The following RAB27A variants were observed in gnomAD, a reference collection of about 807,000 sequenced individuals.
RAB27A encodes RAB27A, member RAS oncogene family.
A neutral mutation model predicts 20.8 loss-of-function variants in RAB27A; 17 were observed. The observed-to-expected ratio is 0.82, with a 90% CI of 0.56 to 1.23. RAB27A has a LOEUF of 1.23. Among genes scored for constraint, RAB27A ranks in the 50% most tolerant of loss-of-function variants. The pLI, the probability that RAB27A is intolerant of heterozygous loss-of-function variation, is 0.00. For missense variants in RAB27A, 277 were observed against 266.7 expected, an observed-to-expected ratio of 1.04 and a Z score of -0.27; for synonymous variants, 85 against 92.8, an observed-to-expected ratio of 0.92 and a Z score of 0.48.
At chr15:55,249,912 T>A (rs1053941654) in intron 2 of RAB27A, among the ~76,000 whole-genome samples, 1 of 152,220 alleles carries the variant, frequency 6.6e-6, no homozygotes, top group African/African-American at 2.4e-5. Context: ...CTGGGATTCA[T>A]GAAAATACTT....
At position 55,298,805 on chromosome 15, in the gene RAB27A, G is replaced by T. The variant is rs187129706; in HGVS notation, c.-112+15234C>A. On this transcript the variant is annotated intron_variant, in intron 2 of 5. Transcript: ENST00000563262. ...CCCAGGTGCGTATTCTCTTTCCCAGGGATGTTCCTTGCTGAGAAAAAGAAT... is the reference window on the plus strand; with the variant it reads ...CCCAGGTGCGTATTCTCTTTCCCAGTGATGTTCCTTGCTGAGAAAAAGAAT... Among the ~76,000 whole-genome samples, 8 of 152,278 alleles carry T rather than the reference G, an allele frequency of 5.3e-5. No homozygotes were observed. In the East Asian group the frequency reaches 1.5e-3, roughly 29 times the overall value.
In RAB27A at chr15:55,270,225, A is replaced by T. The variant is rs1050054335; in HGVS notation, c.-83T>A. The T allele has an allele frequency of 6.6e-6, 1 of 152,188 alleles. No homozygotes were observed. The highest frequency in any genetic ancestry group is 1.5e-5 in the Non-Finnish European group (1 of 68,020). 9.4% of individuals were successfully genotyped at this position (152,188 alleles called of 1,614,324 possible). A position where few individuals can be genotyped will look rare whatever the true frequency, so the allele number is the denominator to read the frequency against. On this transcript the variant is annotated 5_prime_UTR_variant, in exon 2 of 7. Transcript: ENST00000336787. ...TAAAACGTTAGAGACTGGAGTTACC[A>T]ATGCTTCAACAATTGACAACTTCCA...
chr15:55,223,099 T>C (rs1895651205), intron 6 of RAB27A, among the ~76,000 whole-genome samples: 1 of 152,050 alleles, frequency 6.6e-6, no homozygotes, highest in Non-Finnish European at 1.5e-5. Context: ...AAAGGAGATC[T>C]CACACTCCTC....
At chr15:55,317,713 G>A (rs1595759890) in intron 1 of RAB27A, 2 of 398,576 alleles carry the variant, frequency 5.0e-6, no homozygotes, top group Non-Finnish European at 8.8e-6. Flanking sequence ...TTCAAATACT[G>A]GTTGAAAAAT....
At chr15:55,218,506 A>C (rs1895416494) in intron 6 of RAB27A, among the ~76,000 whole-genome samples, 1 of 152,230 alleles carries the variant, frequency 6.6e-6, no homozygotes, top group Non-Finnish European at 1.5e-5. Context: ...AACTAGAGAA[A>C]ACAGTGAGCA....
intron 1 of RAB27A, chr15:55,317,900 T>C (rs961337431): frequency 1.8e-5 from 7 of 389,804 alleles, no homozygotes; most frequent in Admixed American, 4.4e-5. Context: ...AAGCCATCAC[T>C]TAGTACAATG....
chr15:55,238,107 T>C (rs753398493), intron 2 of RAB27A: 3 of 152,210 alleles, frequency 2.0e-5, no homozygotes, highest in Non-Finnish European at 2.9e-5. Flanking sequence ...ACCATCAATA[T>C]TAATCATAGT....
rs566812522 is a variant in RAB27A at position 55,235,619 on chromosome 15, A to G, written c.-22-663T>C. 1.7e-4 allele frequency among the ~76,000 whole-genome samples: 26 copies of G among 152,286 alleles called. 1 individual carries two copies. In the South Asian group the frequency reaches 3.1e-3, roughly 18 times the overall value. Reference sequence around the variant, plus strand: ...CTAATACAAGAAAAACAGAGGAAAGAGAATGTTATAAGGAATAACAGTAAT... The same window carrying G: ...CTAATACAAGAAAAACAGAGGAAAGGGAATGTTATAAGGAATAACAGTAAT... On this transcript the variant is annotated intron_variant, in intron 2 of 6. Transcript: ENST00000336787.
chr15:55,212,136 T>C (rs1031024672), intron 6 of RAB27A, among the ~76,000 whole-genome samples: 1 of 152,170 alleles, frequency 6.6e-6, no homozygotes, highest in Non-Finnish European at 1.5e-5. Context: ...CTATGTGTCT[T>C]ACATACATGA....
chr15:55,273,629 A>G (rs545349895), intron 1 of RAB27A, among the ~76,000 whole-genome samples: 1 of 152,232 alleles, frequency 6.6e-6, no homozygotes, highest in South Asian at 2.1e-4. Flanking sequence ...CTTCAAGTAA[A>G]AAACAGTCCC....
At chr15:55,306,846 G>A (rs1427801127) in intron 2 of RAB27A, among the ~76,000 whole-genome samples, 1 of 152,128 alleles carries the variant, frequency 6.6e-6, no homozygotes, top group Non-Finnish European at 1.5e-5. Flanking sequence ...GGTGGTGAGA[G>A]AACAGTAAAG....
At chr15:55,304,740 C>T (rs1361593266) in intron 2 of RAB27A, among the ~76,000 whole-genome samples, 1 of 152,124 alleles carries the variant, frequency 6.6e-6, no homozygotes, top group Non-Finnish European at 1.5e-5. Context: ...ACTTATTTAT[C>T]CATTCATCAG....
At chr15:55,290,731 C>G (rs1215142629), upstream of RAB27A, among the ~76,000 whole-genome samples, 5 of 152,232 alleles carry the variant, frequency 3.3e-5, no homozygotes, top group African/African-American at 1.2e-4. Context: ...TCAGAGGCAG[C>G]CAAGTTCATC....
intron 1 of RAB27A, among the ~76,000 whole-genome samples, chr15:55,281,601 A>C (rs1447536590): frequency 6.6e-6 from 1 of 152,034 alleles, no homozygotes; most frequent in Non-Finnish European, 1.5e-5. Flanking sequence ...GGTCCTAGTT[A>C]CTTAGGAGGC....
At position 55,205,614 on chromosome 15, in the gene RAB27A, G is replaced by A. The variant is rs144946000; in HGVS notation, c.559C>T (p.Arg187Trp). The A allele has an allele frequency of 1.4e-4, 228 of 1,614,000 alleles. No homozygotes were observed. Among genetic ancestry groups the A allele is most frequent in the Admixed American group, 3.2e-4 (19 of 60,000 alleles). The change falls in exon 7 of 7, where the codon CGG (arginine) becomes TGG (tryptophan). Residue 187 changes from arginine (R) to tryptophan (W), a missense_variant. Arg to Trp is a moderately radical substitution (Grantham distance 101, BLOSUM62 -3). Coordinates refer to ENST00000336787, the MANE Select transcript of RAB27A (RefSeq NM_183235.3). ...LLDLIMKRME[R>W]CVDKSWIPEG... ...GGAATCCAGGACTTGTCCACACACC[G>A]TTCCATTCGCTTCATTATCAGGTCC...
chr15:55,253,893 G>C (rs148601651), intron 2 of RAB27A, among the ~76,000 whole-genome samples: 1 of 152,186 alleles, frequency 6.6e-6, no homozygotes, highest in African/African-American at 2.4e-5. Context: ...CCATGAAGAT[G>C]TAAGTATCCA....
At chr15:55,298,229 T>C (rs1205229630) in intron 2 of RAB27A, among the ~76,000 whole-genome samples, 5 of 148,674 alleles carry the variant, frequency 3.4e-5, no homozygotes, top group East Asian at 3.9e-4. Flanking sequence ...AAAAAGTCAG[T>C]TGTGGGCCGT....
rs914790471 is a variant in RAB27A, at chr15:55,286,660, C to T, written c.-143+3056G>A. Among the ~76,000 whole-genome samples, 37 of 151,984 alleles carry T rather than the reference C, an allele frequency of 2.4e-4. 1 individual carries two copies. The highest frequency in any genetic ancestry group is 2.1e-3 in the Admixed American group (32 of 15,252). On this transcript the variant is annotated intron_variant, in intron 1 of 6. Coordinates refer to ENST00000336787, the MANE Select transcript of RAB27A (RefSeq NM_183235.3). ...AGGCAAGAGTGATAGCAGATGAAGC[C>T]GCACTCCATGCAAGGGTTGTATAGA...
chr15:55,232,727 A>G (rs1274994728), intron 3 of RAB27A, among the ~76,000 whole-genome samples: 1 of 152,232 alleles, frequency 6.6e-6, no homozygotes, highest in Admixed American at 6.5e-5. Flanking sequence ...AAATCCACAC[A>G]AAGAAATAAT....
Sources: gnomAD v4.1 joint callset for allele counts (sites outside exome capture counted in the v4.1 genomes callset) on GRCh38, gnomAD v4.1.1 for gene constraint, MANE v1.5 for transcripts, NCBI Gene and HGNC (gene_info 2026-07-23, HGNC 2026-07-21) for gene names.